EAF2: variants seen among roughly 807,000 people sequenced by gnomAD.
The protein encoded by EAF2 is ELL associated factor 2, also known as ELL-associated factor 2.
Under a neutral mutation model 29.4 loss-of-function variants are expected in EAF2, and 29 were observed. The ratio of observed to expected loss-of-function variants is 0.99; its 90% CI spans 0.73 to 1.35. The LOEUF (loss-of-function observed/expected upper bound fraction) is 1.35. Ranked by LOEUF, EAF2 falls within the 40% of genes most tolerant of loss-of-function variation. EAF2 has a pLI of 0.00. For missense variants in EAF2, 292 were observed against 312.0 expected (o/e 0.94, Z 0.48); for synonymous variants, 103 against 102.5 (o/e 1.00, Z -0.03).
intron 5 of EAF2, among the ~76,000 whole-genome samples, chr3:121,884,250 G>C (rs190766767): frequency 6.8e-6 from 1 of 147,294 alleles, no homozygotes; most frequent in African/African-American, 2.5e-5. Flanking sequence ...TGAGGCAGGA[G>C]AATCACTTGA....
At chr3:121,858,616 G>A (rs1344918275) in intron 4 of EAF2, among the ~76,000 whole-genome samples, 1 of 151,914 alleles carries the variant, frequency 6.6e-6, no homozygotes, top group South Asian at 2.1e-4. Context: ...CCATTCTGTA[G>A]GTTGCCTGTT....
chr3:121,845,379 A>G (rs1471041305), intron 2 of EAF2, among the ~76,000 whole-genome samples: 2 of 133,988 alleles, frequency 1.5e-5, no homozygotes, highest in Non-Finnish European at 3.1e-5. Context: ...CAGAGGTTGC[A>G]GTGAGCCGAG....
chr3:121,840,509 G>GAA (rs869127997), intron 1 of EAF2, among the ~76,000 whole-genome samples: 25 of 55,746 alleles, frequency 4.5e-4, no homozygotes, highest in African/African-American at 1.6e-3. Flanking sequence ...AAAAAAAAAA[G>GAA]AAAAAAAAAA....
intron 5 of EAF2, among the ~76,000 whole-genome samples, chr3:121,876,622 T>C (rs1030722598): frequency 6.6e-6 from 1 of 151,998 alleles, no homozygotes; most frequent in African/African-American, 2.4e-5. Flanking sequence ...ATCAGTAGTT[T>C]AAGTATGCTG....
intron 4 of EAF2, among the ~76,000 whole-genome samples, chr3:121,867,184 G>A (rs1708940836): frequency 6.6e-6 from 1 of 152,190 alleles, no homozygotes; most frequent in African/African-American, 2.4e-5. Flanking sequence ...CAATATTTGT[G>A]TCATTGGAGT....
intron 1 of EAF2, among the ~76,000 whole-genome samples, chr3:121,843,267 G>T (rs949465911): frequency 6.6e-6 from 1 of 152,086 alleles, no homozygotes; most frequent in African/African-American, 2.4e-5. Context: ...GCCAGCCTTT[G>T]TTTATTTACA....
chr3:121,883,150 T>C (rs1709218920), intron 5 of EAF2, among the ~76,000 whole-genome samples: 1 of 152,194 alleles, frequency 6.6e-6, no homozygotes, highest in Non-Finnish European at 1.5e-5. Flanking sequence ...TTTTAATGCA[T>C]AGATTTGGAT....
Position 121,882,787 on chromosome 3 carries a change from G to T in EAF2, c.737-3555G>T, listed in dbSNP as rs1159786637. 8.2e-5 allele frequency among the ~76,000 whole-genome samples: 12 copies of T among 146,114 alleles called. No homozygotes were observed. In the South Asian group the frequency reaches 1.7e-3, roughly 21 times the overall value. On this transcript the variant is annotated intron_variant, in intron 5 of 5. Transcript: ENST00000273668. Reference sequence around the variant, plus strand: ...AGTAATAACCACTTGGGAGGTGGTGGTTTTTTTTTTTTAAGTAAAAATAGT... The same window carrying T: ...AGTAATAACCACTTGGGAGGTGGTGTTTTTTTTTTTTTAAGTAAAAATAGT...
chr3:121,841,092 G>A (rs1229222468), intron 1 of EAF2, among the ~76,000 whole-genome samples: 2 of 152,160 alleles, frequency 1.3e-5, no homozygotes, highest in Non-Finnish European at 2.9e-5. Context: ...GAAGGGGATG[G>A]CTTTGAAAAA....
At chr3:121,849,432 C>A (rs1389876179) in intron 2 of EAF2, among the ~76,000 whole-genome samples, 3 of 152,068 alleles carry the variant, frequency 2.0e-5, no homozygotes, top group African/African-American at 4.8e-5. Context: ...TTCAAAGTGT[C>A]GAATTTTGAA....
chr3:121,856,394 G>A (rs920801413), intron 3 of EAF2, among the ~76,000 whole-genome samples: 1 of 151,344 alleles, frequency 6.6e-6, no homozygotes, highest in Non-Finnish European at 1.5e-5. Flanking sequence ...GCCCAGGCTG[G>A]TCTTGAACTC....
intron 1 of EAF2, among the ~76,000 whole-genome samples, chr3:121,840,499 A>C (rs1708394889): frequency 1.3e-5 from 1 of 75,952 alleles, no homozygotes; most frequent in Admixed American, 1.1e-4. Context: ...AAAAAAAAAA[A>C]AAAAAAAAAG....
At chr3:121,867,093 T>C (rs993494852) in intron 4 of EAF2, among the ~76,000 whole-genome samples, 1 of 152,016 alleles carries the variant, frequency 6.6e-6, no homozygotes, top group Admixed American at 6.6e-5. Flanking sequence ...ATGTATAGAA[T>C]CCCCTCAACC....
chr3:121,872,488 T>G (rs760510441), intron 4 of EAF2, 49 bp from the exon 5 acceptor site: 1 of 1,365,086 alleles, frequency 7.3e-7, no homozygotes, highest in South Asian at 1.5e-5. Flanking sequence ...ATTATATTTA[T>G]TTAGCATTTT....
chr3:121,842,319 A>G (rs1178436859), intron 1 of EAF2, among the ~76,000 whole-genome samples: 1 of 152,258 alleles, frequency 6.6e-6, no homozygotes, highest in Non-Finnish European at 1.5e-5. Context: ...TACTGTATAT[A>G]TCCATATTAA....
chr3:121,883,866 C>T (rs180978678), intron 5 of EAF2, among the ~76,000 whole-genome samples: 102 of 152,278 alleles, frequency 6.7e-4, no homozygotes, highest in Middle Eastern at 3.4e-3. Flanking sequence ...AAAGGCTAAT[C>T]TTATATCTTC....
chr3:121,877,332 G>A (rs963598972), intron 5 of EAF2, among the ~76,000 whole-genome samples: 4 of 151,830 alleles, frequency 2.6e-5, no homozygotes, highest in Admixed American at 2.6e-4. Flanking sequence ...GTAAGGGTAT[G>A]AAATCTGTAA....
intron 5 of EAF2, among the ~76,000 whole-genome samples, chr3:121,882,918 A>C (rs1365276907): frequency 6.6e-6 from 1 of 151,234 alleles, no homozygotes; most frequent in Non-Finnish European, 1.5e-5. Flanking sequence ...GAGACCCAAC[A>C]CCCCCTTTTG....
chr3:121,856,529 T>A (rs894246972), intron 3 of EAF2, among the ~76,000 whole-genome samples: 2 of 152,198 alleles, frequency 1.3e-5, no homozygotes, highest in African/African-American at 4.8e-5. Context: ...TCACCCAGGC[T>A]GGAGTGCAGT....
Sources: allele counts gnomAD v4.1 joint callset (sites outside exome capture counted in the v4.1 genomes callset), GRCh38; gene constraint gnomAD v4.1.1; transcripts MANE v1.5; gene names NCBI Gene and HGNC (gene_info 2026-07-23, HGNC 2026-07-21).